The following PKN2 variants were observed in gnomAD, a reference collection of about 807,000 sequenced individuals.
PKN2 encodes serine/threonine-protein kinase N2.
Under a neutral mutation model 119.1 loss-of-function variants are expected in PKN2, and 38 were observed. The ratio of observed to expected loss-of-function variants is 0.32; its 90% confidence interval spans 0.25 to 0.42. The LOEUF is 0.42. PKN2 is among the 10% of genes least tolerant of loss of function. The probability of loss-of-function intolerance (pLI) is 1.00; values close to 1 mark genes in which losing one functional copy is unlikely to be tolerated. For synonymous variants in PKN2, 390 were observed against 384.9 expected (o/e 1.01, Z -0.15); for missense variants, 850 against 1,165.1 (o/e 0.73, Z 3.94).
chr1:88,829,093 A>C (rs1672626339), intron 19 of PKN2: 1 of 700,964 alleles, frequency 1.4e-6, no homozygotes, highest in Admixed American at 1.8e-5. Context: ...AGAATTTCGT[A>C]AGAACAAAAT....
At chr1:88,694,072 T>G (rs770127953) in intron 1 of PKN2, among the ~76,000 whole-genome samples, 1 of 152,220 alleles carries the variant, frequency 6.6e-6, no homozygotes. Flanking sequence ...TACATATGCA[T>G]TATCGACATC....
chr1:88,789,327 G>T lies in PKN2; in HGVS notation c.1281+3114G>T, dbSNP rs568017306. On this transcript the variant is annotated intron_variant, in intron 8 of 21. Transcript: ENST00000370521. ...ATTATAGTTACTGGTATGACAGTAT[G>T]ATGACAGGAGTGAAACGGCAAGGTA... Among the ~76,000 whole-genome samples the T allele has an allele frequency of 2.6e-5, 4 of 152,232 alleles. No homozygotes were observed. In the South Asian group the frequency reaches 8.3e-4, roughly 32 times the overall value.
At chr1:88,760,027 T>C (rs1481380304) in intron 2 of PKN2, among the ~76,000 whole-genome samples, 195 bp from the exon 3 acceptor site, 1 of 150,806 alleles carries the variant, frequency 6.6e-6, no homozygotes, top group Admixed American at 6.6e-5. Context: ...TGGGAAGTAG[T>C]CTTGCAACTC....
At chr1:88,821,917 C>T in intron 16 of PKN2, 24 bp from the exon 17 acceptor site, 1 of 1,535,178 alleles carries the variant, frequency 6.5e-7, no homozygotes, top group South Asian at 1.3e-5. Flanking sequence ...TATTAAACTC[C>T]TGTTGATTTA....
In PKN2 at chr1:88,835,560, A is replaced by C. The variant is rs11800810; in HGVS notation, c.*2112A>C. 2.0e-5 allele frequency: 3 copies of C among 152,266 alleles called. No individual in the cohort carries two copies. Among genetic ancestry groups the C allele is most frequent in the African/African-American group, 7.3e-5 (3 of 41,370 alleles). 9.4% of individuals were successfully genotyped at this position (152,266 alleles called of 1,614,324 possible). A position where few individuals can be genotyped will look rare whatever the true frequency, so the allele number is the denominator to read the frequency against. On this transcript the variant is annotated 3_prime_UTR_variant, in exon 22 of 22. Transcript: ENST00000370521. ...GCACTAATTTTTTGTAGTTTAAAAT[A>C]TATATATATTTTAGTCAGATTTAAA...
chr1:88,689,995 C>T (rs1295623378), intron 1 of PKN2, among the ~76,000 whole-genome samples: 1 of 152,178 alleles, frequency 6.6e-6, no homozygotes, highest in Non-Finnish European at 1.5e-5. Context: ...TACTAAATAA[C>T]TTTCCAAATA....
intron 1 of PKN2, among the ~76,000 whole-genome samples, chr1:88,726,524 C>T (rs1570538933): frequency 6.6e-6 from 1 of 152,072 alleles, no homozygotes; most frequent in African/African-American, 2.4e-5. Context: ...GGAGTAAACC[C>T]TACTGTGTTG....
intron 1 of PKN2, among the ~76,000 whole-genome samples, chr1:88,692,881 T>C (rs1351287135): frequency 1.3e-5 from 2 of 152,232 alleles, no homozygotes; most frequent in Non-Finnish European, 2.9e-5. Context: ...TACATCGTTA[T>C]CATCAACAGG....
At chr1:88,804,745 A>G (rs1016534685) in intron 9 of PKN2, 101 bp from the exon 10 acceptor site, 7 of 773,788 alleles carry the variant, frequency 9.0e-6, no homozygotes, top group African/African-American at 8.9e-5. Flanking sequence ...GGGCTGGACT[A>G]AACTGTAACT....
intron 17 of PKN2, among the ~76,000 whole-genome samples, chr1:88,822,826 G>A (rs868498352): frequency 6.6e-6 from 1 of 152,078 alleles, no homozygotes; most frequent in African/African-American, 2.4e-5. Flanking sequence ...GTGACTACCC[G>A]CCTCGGCCTC....
At chr1:88,700,769 C>T (rs546441837) in intron 1 of PKN2, among the ~76,000 whole-genome samples, 1 of 152,294 alleles carries the variant, frequency 6.6e-6, no homozygotes, top group South Asian at 2.1e-4. Context: ...TGCCTCTTTT[C>T]AGTAGTTCTC....
At chr1:88,707,301 GA>G (rs1415174280) in intron 1 of PKN2, among the ~76,000 whole-genome samples, 6 of 152,076 alleles carry the variant, frequency 3.9e-5, no homozygotes, top group Non-Finnish European at 7.4e-5. Flanking sequence ...AAATGTGGCA[GA>G]TGAAGTCTTA....
intron 16 of PKN2, among the ~76,000 whole-genome samples, chr1:88,821,533 G>C (rs1301425015): frequency 1.3e-5 from 2 of 152,078 alleles, no homozygotes; most frequent in Non-Finnish European, 2.9e-5. Flanking sequence ...CTTTACTTCA[G>C]CCACACCAAA....
chr1:88,768,480 C>A (rs1669753039), intron 3 of PKN2, among the ~76,000 whole-genome samples: 1 of 152,178 alleles, frequency 6.6e-6, no homozygotes, highest in African/African-American at 2.4e-5. Flanking sequence ...ATCACTCTGA[C>A]CTCTTCTTCC....
intron 2 of PKN2, among the ~76,000 whole-genome samples, chr1:88,749,674 G>T (rs1668910338): frequency 6.6e-6 from 1 of 152,182 alleles, no homozygotes; most frequent in African/African-American, 2.4e-5. Flanking sequence ...GACTTTAGGA[G>T]AAGTATAAAG....
In PKN2 at chr1:88,834,106, G is replaced by T. The variant is rs1672845034; in HGVS notation, c.*658G>T. ...AGGCTTATAGCTTTCCAACAGAGCT[G>T]CTTGCCAAACAATTTTTTTTGTTTA... On this transcript the variant is annotated 3_prime_UTR_variant, in exon 22 of 22. Coordinates refer to ENST00000370521, the MANE Select transcript of PKN2 (RefSeq NM_006256.4). 1 of 151,894 alleles carries T rather than the reference G, an allele frequency of 6.6e-6. No individual in the cohort carries two copies. The highest frequency in any genetic ancestry group is 6.6e-5 in the Admixed American group (1 of 15,212). 9.4% of individuals were successfully genotyped at this position (151,894 alleles called of 1,614,324 possible).
chr1:88,798,661 G>T lies in PKN2; in HGVS notation c.1282-5730G>T, dbSNP rs1338594888. 2.0e-5 allele frequency among the ~76,000 whole-genome samples: 3 copies of T among 152,178 alleles called. No homozygotes were observed. In the East Asian group the frequency reaches 5.8e-4, roughly 29 times the overall value. On this transcript the variant is annotated intron_variant, in intron 8 of 21. Transcript: ENST00000370521. ...TAAGAGATGAAAAATATGAAAGAAA[G>T]ATTAAGAGACATGAAGGATAAACTA...
chr1:88,716,683 T>C (rs1667471758), intron 1 of PKN2, among the ~76,000 whole-genome samples: 1 of 152,206 alleles, frequency 6.6e-6, no homozygotes, highest in Non-Finnish European at 1.5e-5. Context: ...TGAGCCTATG[T>C]GTGTCTCTGT....
chr1:88,808,221 T>G (rs1671632544), intron 15 of PKN2, among the ~76,000 whole-genome samples: 1 of 152,170 alleles, frequency 6.6e-6, no homozygotes. Flanking sequence ...TTTATTTTTT[T>G]TAAAAACATG....
Sources: gnomAD v4.1 joint callset for allele counts (sites outside exome capture counted in the v4.1 genomes callset) on GRCh38, gnomAD v4.1.1 for gene constraint, MANE v1.5 for transcripts, NCBI Gene and HGNC (gene_info 2026-07-23, HGNC 2026-07-21) for gene names.